The following ALPK1 variants were observed in gnomAD, a reference collection of about 807,000 sequenced individuals.
The protein encoded by ALPK1 is alpha kinase 1, also known as alpha-protein kinase 1.
ALPK1 carries 110 observed loss-of-function variants against 120.6 expected under a neutral mutation model. That is an observed-to-expected ratio of 0.91 (90% confidence interval 0.78 to 1.07). The LOEUF (loss-of-function observed/expected upper bound fraction) is 1.07, where lower values mean the gene tolerates loss of function less well. Among genes scored for constraint, ALPK1 ranks in the 50% least tolerant of loss-of-function variants. ALPK1 has a pLI of 0.00. For synonymous variants in ALPK1, 582 were observed against 560.3 expected (o/e 1.04, Z -0.55); for missense variants, 1,498 against 1,483.9 (o/e 1.01, Z -0.16).
chr4:112,432,656 A>T, intron 11 of ALPK1, 75 bp downstream of exon 11: 1 of 1,391,336 alleles, frequency 7.2e-7, no homozygotes, highest in Non-Finnish European at 9.8e-7. Context: ...CTTGGTATGT[A>T]GATCACTTAA....
intron 2 of ALPK1, among the ~76,000 whole-genome samples, chr4:112,361,522 C>T (rs1730911492): frequency 6.6e-6 from 1 of 152,140 alleles, no homozygotes; most frequent in Admixed American, 6.5e-5. Context: ...ACTTCATTGG[C>T]CTGGGAACAA....
chr4:112,363,722 A>G (rs1322395907), intron 2 of ALPK1, among the ~76,000 whole-genome samples: 1 of 152,194 alleles, frequency 6.6e-6, no homozygotes, highest in African/African-American at 2.4e-5. Flanking sequence ...TTTACAGAAC[A>G]TTGTTATTGT....
intron 12 of ALPK1, among the ~76,000 whole-genome samples, chr4:112,436,485 A>G (rs1418925801): frequency 1.3e-5 from 2 of 152,308 alleles, no homozygotes; most frequent in Non-Finnish European, 2.9e-5. Context: ...TGCAGATGTA[A>G]TTGGTGAAGT....
intron 1 of ALPK1, among the ~76,000 whole-genome samples, chr4:112,305,094 G>C (rs1727975328): frequency 6.6e-6 from 1 of 152,042 alleles, no homozygotes; most frequent in Admixed American, 6.6e-5. Context: ...GCTCTGTTCT[G>C]TTCCATTGAT....
rs183018910 is a variant in ALPK1, at chr4:112,362,657, A to C, written c.-100-15021A>C. Among the ~76,000 whole-genome samples, 238 of 152,362 alleles carry C rather than the reference A, an allele frequency of 1.6e-3. 2 individuals are homozygous for C. Among genetic ancestry groups the C allele is most frequent in the Middle Eastern group, 3.4e-3 (1 of 294 alleles). Reference sequence around the variant, plus strand: ...AGAGAAATCTAAAAGTTTGGAAAACACATTTAAGGGAATAATCAAGAAAAA... The same window carrying C: ...AGAGAAATCTAAAAGTTTGGAAAACCCATTTAAGGGAATAATCAAGAAAAA... On this transcript the variant is annotated intron_variant, in intron 2 of 15. Coordinates refer to ENST00000650871, the MANE Select transcript of ALPK1 (RefSeq NM_025144.4).
intron 1 of ALPK1, among the ~76,000 whole-genome samples, chr4:112,308,353 G>C (rs1578448511): frequency 2.0e-5 from 3 of 152,114 alleles, no homozygotes; most frequent in East Asian, 1.9e-4. Context: ...TTTCCAACTT[G>C]GTTCCATTCT....
chr4:112,407,934 C>CCTCCTGTGTTCAAACCCCAGCTCTTA (rs1560674273), intron 4 of ALPK1, among the ~76,000 whole-genome samples: 1 of 151,930 alleles, frequency 6.6e-6, no homozygotes, highest in Non-Finnish European at 1.5e-5. Flanking sequence ...AGTGAAACCC[C>CCTCCTGTGTTCAAACCCCAGCTCTTA]GTCTCTACTA....
intron 2 of ALPK1, among the ~76,000 whole-genome samples, chr4:112,333,813 C>G (rs1005274544): frequency 6.6e-6 from 1 of 152,006 alleles, no homozygotes; most frequent in Non-Finnish European, 1.5e-5. Context: ...CTTGGTTAGA[C>G]TCTCCTTCTG....
chr4:112,337,472 A>G (rs2148704231), intron 2 of ALPK1, among the ~76,000 whole-genome samples: 1 of 152,328 alleles, frequency 6.6e-6, no homozygotes, highest in South Asian at 2.1e-4. Context: ...AGGCAAGAGA[A>G]TTGCTTGAGG....
At chr4:112,382,312 C>G in intron 3 of ALPK1, 86 bp from the exon 4 acceptor site, 10 of 720,590 alleles carry the variant, frequency 1.4e-5, no homozygotes, top group Admixed American at 4.3e-5. Flanking sequence ...TTTTTTTTTG[C>G]CACTGAGGTG....
intron 10 of ALPK1, among the ~76,000 whole-genome samples, chr4:112,429,996 G>A (rs1435729993): frequency 1.3e-5 from 2 of 152,134 alleles, no homozygotes; most frequent in East Asian, 1.9e-4. Context: ...TTGTCCAGGT[G>A]ATTCAAATGC....
At chr4:112,326,620 A>G (rs1054674962) in intron 2 of ALPK1, among the ~76,000 whole-genome samples, 2 of 152,180 alleles carry the variant, frequency 1.3e-5, no homozygotes, top group Non-Finnish European at 2.9e-5. Context: ...TCCCATCCTC[A>G]TGTCCATCAA....
At chr4:112,372,766 A>G (rs950465371) in intron 2 of ALPK1, among the ~76,000 whole-genome samples, 8 of 151,688 alleles carry the variant, frequency 5.3e-5, no homozygotes, top group African/African-American at 1.9e-4. Flanking sequence ...TTTGACCAAC[A>G]CCCTCCCTAA....
At chr4:112,403,034 T>C (rs945082695) in intron 4 of ALPK1, among the ~76,000 whole-genome samples, 16 of 152,164 alleles carry the variant, frequency 1.1e-4, no homozygotes, top group African/African-American at 3.4e-4. Flanking sequence ...TTGTTTTCTT[T>C]TTCTTTCTTT....
intron 4 of ALPK1, among the ~76,000 whole-genome samples, chr4:112,408,407 C>A (rs1354699649): frequency 2.0e-5 from 3 of 152,062 alleles, no homozygotes; most frequent in African/African-American, 7.2e-5. Context: ...ACACAGCTGG[C>A]CACATATAAA....
chr4:112,382,377 C>G, intron 3 of ALPK1, 21 bp from the exon 4 acceptor site: 6 of 1,569,706 alleles, frequency 3.8e-6, no homozygotes, highest in Non-Finnish European at 5.2e-6. Flanking sequence ...AATTTCCTTA[C>G]CTGAACTCTG....
intron 2 of ALPK1, among the ~76,000 whole-genome samples, chr4:112,327,259 A>C (rs1578467946): frequency 6.6e-6 from 1 of 152,216 alleles, no homozygotes; most frequent in South Asian, 2.1e-4. Context: ...AAACTGCATC[A>C]CCTCTTGTAG....
chr4:112,303,693 C>A (rs954360279), intron 1 of ALPK1, among the ~76,000 whole-genome samples: 1 of 151,656 alleles, frequency 6.6e-6, no homozygotes, highest in African/African-American at 2.4e-5. Flanking sequence ...GATCTCCCAG[C>A]GACATGCTTC....
In ALPK1 at chr4:112,430,881, T is replaced by C. The variant is rs771264638; in HGVS notation, c.1334T>C (p.Ile445Thr). ...ESFECRLDKL[I>T]LHGQGDFQKI... ...TTCGAGTGCAGGTTGGATAAACTTA[T>C]CTTGCATGGGCAAGGGGATTTCCAA... The change falls in exon 11 of 16, where the codon ATC becomes ACC. Residue 445 changes from isoleucine (I) to threonine (T), a missense_variant. Ile to Thr is a moderately conservative substitution (Grantham distance 89, BLOSUM62 -1). Coordinates refer to ENST00000650871, the MANE Select transcript of ALPK1 (RefSeq NM_025144.4). 12 of 1,614,082 alleles carry C rather than the reference T, an allele frequency of 7.4e-6. No individual in the cohort carries two copies. The highest frequency in any genetic ancestry group is 2.2e-5 in the East Asian group (1 of 44,896).
Sources: allele counts gnomAD v4.1 joint callset (sites outside exome capture counted in the v4.1 genomes callset), GRCh38; gene constraint gnomAD v4.1.1; transcripts MANE v1.5; gene names NCBI Gene and HGNC (gene_info 2026-07-23, HGNC 2026-07-21).